Variants in PDE4B observed in about 807,000 individuals in gnomAD.
The protein encoded by PDE4B is 3',5'-cyclic-AMP phosphodiesterase 4B.
In PDE4B, 20 loss-of-function variants were observed where a neutral mutation model predicts 82.2. That is an observed-to-expected ratio of 0.24 (90% CI 0.17 to 0.35). The LOEUF is 0.35. Among genes scored for constraint, PDE4B ranks in the 10% least tolerant of loss-of-function variants. The pLI is 1.00. For missense variants in PDE4B, 655 were observed against 907.2 expected (o/e 0.72, Z 3.57); for synonymous variants, 320 against 318.9 (o/e 1.00, Z -0.04).
rs191453736 is a variant in PDE4B at position 66,156,772 on chromosome 1, G to A, written c.282-90688G>A. ...ATCAAGGTCATTAGGAATGCCCATCGTGTCTATTCACTCTCTCCTCCTGGA... is the reference window on the plus strand; with the variant it reads ...ATCAAGGTCATTAGGAATGCCCATCATGTCTATTCACTCTCTCCTCCTGGA... On this transcript the variant is annotated intron_variant, in intron 3 of 16. Transcript: ENST00000341517. 7.9e-5 allele frequency among the ~76,000 whole-genome samples: 12 copies of A among 152,184 alleles called. No individual in the cohort carries two copies. The East Asian group carries it at 1.3e-3, about 17-fold the overall frequency.
chr1:66,177,225 T>A (rs1433523396), intron 3 of PDE4B, among the ~76,000 whole-genome samples: 3 of 152,198 alleles, frequency 2.0e-5, no homozygotes, highest in Non-Finnish European at 4.4e-5. Flanking sequence ...ATGTGTATTG[T>A]TTATTTCCGT....
intron 3 of PDE4B, among the ~76,000 whole-genome samples, chr1:66,169,454 C>T (rs1646797487): frequency 6.6e-6 from 1 of 152,202 alleles, no homozygotes; most frequent in Admixed American, 6.5e-5. Flanking sequence ...TCTTTGCTCT[C>T]TAATCTTCTG....
At chr1:65,822,414 CT>C (rs1237988752) in intron 1 of PDE4B, among the ~76,000 whole-genome samples, 1 of 152,016 alleles carries the variant, frequency 6.6e-6, no homozygotes, top group African/African-American at 2.4e-5. Flanking sequence ...AAAATGATGC[CT>C]TTTTTTCCCC....
intron 16 of PDE4B, among the ~76,000 whole-genome samples, chr1:66,370,724 A>G (rs1342630777): frequency 2.0e-5 from 3 of 152,198 alleles, no homozygotes; most frequent in African/African-American, 4.8e-5. Flanking sequence ...TCTTAGCAGA[A>G]GCAAAACAAG....
At chr1:66,219,638 A>G (rs942826929) in intron 3 of PDE4B, among the ~76,000 whole-genome samples, 1 of 152,130 alleles carries the variant, frequency 6.6e-6, no homozygotes, top group African/African-American at 2.4e-5. Flanking sequence ...TTGGGCAATG[A>G]CATGTGAAGA....
intron 7 of PDE4B, among the ~76,000 whole-genome samples, chr1:66,311,977 T>TAG: frequency 1.3e-5 from 2 of 152,194 alleles, no homozygotes; most frequent in Non-Finnish European, 2.9e-5. Context: ...TCCCCAAATG[T>TAG]ATAGGTCTGG....
chr1:66,257,903 T>A (rs1297579909), intron 6 of PDE4B, 40 bp downstream of exon 6: 5 of 1,347,144 alleles, frequency 3.7e-6, no homozygotes, highest in African/African-American at 2.9e-5. Flanking sequence ...ATCCCTAACA[T>A]AAAGGCAAAA....
chr1:65,882,422 G>C (rs929468531), intron 1 of PDE4B, among the ~76,000 whole-genome samples: 1 of 152,066 alleles, frequency 6.6e-6, no homozygotes, highest in Non-Finnish European at 1.5e-5. Context: ...ATAATACCTA[G>C]CAAATAACTA....
At chr1:66,313,265 GA>G (rs1377674091) in intron 7 of PDE4B, among the ~76,000 whole-genome samples, 1 of 152,126 alleles carries the variant, frequency 6.6e-6, no homozygotes, top group African/African-American at 2.4e-5. Flanking sequence ...CCCATCCAAG[GA>G]GAAGTACTCT....
intron 3 of PDE4B, among the ~76,000 whole-genome samples, chr1:66,044,144 C>T (rs951023352): frequency 5.3e-5 from 8 of 151,510 alleles, no homozygotes; most frequent in South Asian, 4.1e-4. Flanking sequence ...GACAGAGAGA[C>T]GGAATGTGTT....
chr1:66,051,186 A>G (rs1359793041), intron 3 of PDE4B, among the ~76,000 whole-genome samples: 2 of 152,092 alleles, frequency 1.3e-5, no homozygotes, highest in African/African-American at 2.4e-5. Flanking sequence ...GTGCACATGT[A>G]CCCTAAAACT....
chr1:66,208,740 G>A (rs1299425817), intron 3 of PDE4B, among the ~76,000 whole-genome samples: 2 of 152,104 alleles, frequency 1.3e-5, no homozygotes, highest in East Asian at 3.8e-4. Flanking sequence ...CAAATAAAAA[G>A]TGGGCCACAA....
In PDE4B at chr1:65,835,237, A is replaced by G. The variant is rs1355844251; in HGVS notation, c.-71+41989A>G. 8.5e-5 allele frequency among the ~76,000 whole-genome samples: 13 copies of G among 152,090 alleles called. 1 individual carries two copies. Among genetic ancestry groups the G allele is most frequent in the Non-Finnish European group, 2.9e-5 (2 of 68,030 alleles). The stretch of plus-strand genomic sequence containing the variant: ...CTTTGGCTGTTTCATAGGGCAGTAC[A>G]TAGGAAATGGCATCTAACACTCTTC... On this transcript the variant is annotated intron_variant, in intron 1 of 16. Coordinates refer to ENST00000341517, the MANE Select transcript of PDE4B (RefSeq NM_002600.4).
At position 66,003,933 on chromosome 1, in the gene PDE4B, AAC is replaced by A. The variant is rs528839875; in HGVS notation, c.281+85100_281+85101del. Among the ~76,000 whole-genome samples the A allele has an allele frequency of 9.2e-4, 140 of 152,292 alleles. 1 individual carries two copies. The highest frequency in any genetic ancestry group is 3.3e-3 in the African/African-American group (137 of 41,584). On this transcript the variant is annotated intron_variant, in intron 3 of 16. Coordinates refer to ENST00000341517, the MANE Select transcript of PDE4B (RefSeq NM_002600.4). ...CAGCCAGGTGTGAGTTCACCCATAA[AAC>A]AGTGTCTTTCACATGCTCATTTATC...
intron 3 of PDE4B, among the ~76,000 whole-genome samples, chr1:66,067,345 C>T (rs1262628701): frequency 2.6e-5 from 4 of 152,100 alleles, no homozygotes; most frequent in Non-Finnish European, 4.4e-5. Flanking sequence ...TCCTCTCCAG[C>T]ACCTGTTGTT....
intron 3 of PDE4B, among the ~76,000 whole-genome samples, chr1:66,085,106 T>G (rs1656938886): frequency 6.6e-6 from 1 of 152,162 alleles, no homozygotes; most frequent in Admixed American, 6.6e-5. Context: ...GTCCCCAGTG[T>G]GTAGAACGGA....
At chr1:65,872,094 G>A (rs1044237971) in intron 1 of PDE4B, among the ~76,000 whole-genome samples, 1 of 151,994 alleles carries the variant, frequency 6.6e-6, no homozygotes, top group Non-Finnish European at 1.5e-5. Flanking sequence ...TTGTGTATAA[G>A]TTATTCAATT....
chr1:65,968,850 G>T (rs970584007), intron 3 of PDE4B, among the ~76,000 whole-genome samples: 1 of 152,124 alleles, frequency 6.6e-6, no homozygotes, highest in Non-Finnish European at 1.5e-5. Flanking sequence ...ATATTGTCAT[G>T]TAATTATGAC....
chr1:66,247,381 A>C, intron 3 of PDE4B, 79 bp from the exon 4 acceptor site: 1 of 904,016 alleles, frequency 1.1e-6, no homozygotes, highest in Admixed American at 2.5e-5. Flanking sequence ...AGTACCTGCC[A>C]CACGTTGGTT....
Sources: gnomAD v4.1 joint callset for allele counts (sites outside exome capture counted in the v4.1 genomes callset) on GRCh38, gnomAD v4.1.1 for gene constraint, MANE v1.5 for transcripts, NCBI Gene and HGNC (gene_info 2026-07-23, HGNC 2026-07-21) for gene names.